ARHGAP24: variants seen among roughly 807,000 people sequenced by gnomAD.
ARHGAP24 encodes rho GTPase-activating protein 24.
ARHGAP24 carries 50 observed loss-of-function variants against 76.4 expected under a neutral mutation model. That is an observed-to-expected ratio of 0.65 (90% CI 0.52 to 0.83). The LOEUF is 0.83. Among genes scored for constraint, ARHGAP24 ranks in the 40% least tolerant of loss-of-function variants. The pLI is 0.00. For synonymous variants in ARHGAP24, 345 were observed against 323.3 expected, an observed-to-expected ratio of 1.07 and a Z score of -0.72; for missense variants, 930 against 914.2, an observed-to-expected ratio of 1.02 and a Z score of -0.22.
intron 1 of ARHGAP24, among the ~76,000 whole-genome samples, chr4:85,521,951 A>T (rs942488291): frequency 3.9e-5 from 6 of 152,188 alleles, no homozygotes; most frequent in African/African-American, 1.4e-4. Context: ...AATTATTAAG[A>T]TCTCATTCTT....
At chr4:85,661,749 T>C (rs1233489821) in intron 2 of ARHGAP24, among the ~76,000 whole-genome samples, 1 of 151,508 alleles carries the variant, frequency 6.6e-6, no homozygotes, top group Non-Finnish European at 1.5e-5. Context: ...TTCCCACCTA[T>C]GAGTGAGAGC....
intron 2 of ARHGAP24, among the ~76,000 whole-genome samples, chr4:85,572,835 G>A (rs1234720833): frequency 6.8e-6 from 1 of 147,200 alleles, no homozygotes; most frequent in East Asian, 2.0e-4. Context: ...TAATAAAGCA[G>A]TTAAAATGTA....
At chr4:85,845,723 T>C (rs1288173858) in intron 3 of ARHGAP24, among the ~76,000 whole-genome samples, 1 of 152,094 alleles carries the variant, frequency 6.6e-6, no homozygotes, top group Non-Finnish European at 1.5e-5. Flanking sequence ...GATTGGAAAC[T>C]CCCACCTATG....
chr4:85,731,084 T>C (rs1419209392), intron 3 of ARHGAP24, among the ~76,000 whole-genome samples: 3 of 151,886 alleles, frequency 2.0e-5, no homozygotes, highest in Non-Finnish European at 4.4e-5. Context: ...TATATGTGTA[T>C]GTATGCAAAA....
intron 1 of ARHGAP24, among the ~76,000 whole-genome samples, chr4:85,501,906 G>GT (rs1296197757): frequency 2.0e-5 from 3 of 152,032 alleles, no homozygotes; most frequent in Non-Finnish European, 4.4e-5. Flanking sequence ...TGTATAAGGT[G>GT]TAAGGAAGGG....
At chr4:85,980,450 T>A (rs1430099386) in intron 8 of ARHGAP24, among the ~76,000 whole-genome samples, 1 of 152,224 alleles carries the variant, frequency 6.6e-6, no homozygotes, top group Non-Finnish European at 1.5e-5. Flanking sequence ...TCATAATTAA[T>A]CATTTGCTCT....
chr4:85,692,794 A>T (rs1460710517), intron 2 of ARHGAP24, among the ~76,000 whole-genome samples: 2 of 152,062 alleles, frequency 1.3e-5, no homozygotes, highest in Non-Finnish European at 2.9e-5. Context: ...CAGATTCTAA[A>T]CTCTATGTCT....
In ARHGAP24 at chr4:85,995,445, G is replaced by A. The variant is rs144004460; in HGVS notation, c.1791G>A (p.Pro597=). The A allele has an allele frequency of 1.4e-4, 232 of 1,608,422 alleles. 1 individual carries two copies. The highest frequency in any genetic ancestry group is 4.7e-4 in the East Asian group (21 of 44,776). Residue 597 remains proline (P), a synonymous_variant, in exon 9 of 10, where the codon CCG becomes CCA. Coordinates refer to ENST00000395184, the MANE Select transcript of ARHGAP24 (RefSeq NM_001025616.3). ...AGGACCCTGTTTTGGATGGGCCCCC[G>A]CAGGACGACCTTTCCCACCCCAGGG... ...NFEDPVLDGP[P]QDDLSHPRDY...
intron 6 of ARHGAP24, among the ~76,000 whole-genome samples, chr4:85,973,200 C>T (rs1253220315): frequency 2.0e-5 from 3 of 152,174 alleles, no homozygotes; most frequent in Admixed American, 6.6e-5. Flanking sequence ...CACTTGTTAC[C>T]TGTCGTTTTT....
intron 3 of ARHGAP24, among the ~76,000 whole-genome samples, chr4:85,858,959 C>T (rs939312447): frequency 2.6e-5 from 4 of 151,986 alleles, no homozygotes; most frequent in South Asian, 4.1e-4. Flanking sequence ...AAAAAAATGC[C>T]TGAACCTCAG....
At chr4:85,838,657 T>C (rs1297442673) in intron 3 of ARHGAP24, among the ~76,000 whole-genome samples, 4 of 152,218 alleles carry the variant, frequency 2.6e-5, no homozygotes, top group Non-Finnish European at 5.9e-5. Flanking sequence ...TTTTATTGCA[T>C]AGCCAATTAT....
chr4:85,655,792 T>TATATATATATATAG (rs1553920518), intron 2 of ARHGAP24, among the ~76,000 whole-genome samples: 3 of 37,700 alleles, frequency 8.0e-5, no homozygotes, highest in African/African-American at 3.3e-4. Flanking sequence ...TATATATATA[T>TATATATATATATAG]AGAGAGAGAG....
intron 3 of ARHGAP24, among the ~76,000 whole-genome samples, chr4:85,857,469 C>A (rs2110171532): frequency 6.6e-6 from 1 of 152,296 alleles, no homozygotes; most frequent in South Asian, 2.1e-4. Flanking sequence ...TGTGGGTTAT[C>A]AATTCAAATT....
In ARHGAP24 at chr4:85,722,213, G is replaced by C. The variant is rs142829638; in HGVS notation, c.268+241G>C. The C allele has an allele frequency of 1.4e-3, 654 of 457,018 alleles. 5 individuals are homozygous for C. Among genetic ancestry groups the C allele is most frequent in the African/African-American group, 0.012 (597 of 50,304 alleles). 28.3% of individuals were successfully genotyped at this position (457,018 alleles called of 1,614,324 possible). ...CATTTGTCCATGAGACTCCATAGTT[G>C]ACCACAAGTCATGATACAGTATTTG... On this transcript the variant is annotated intron_variant, in intron 3 of 9. Coordinates refer to ENST00000395184, the MANE Select transcript of ARHGAP24 (RefSeq NM_001025616.3).
chr4:85,534,956 GAAACAA>G (rs1303097986), intron 1 of ARHGAP24, among the ~76,000 whole-genome samples: 1 of 147,938 alleles, frequency 6.8e-6, no homozygotes, highest in Non-Finnish European at 1.5e-5. Flanking sequence ...AAAGAAAACA[GAAACAA>G]AAACAAAAAC....
chr4:85,478,366 G>A (rs530539115), intron 1 of ARHGAP24, among the ~76,000 whole-genome samples: 2 of 152,320 alleles, frequency 1.3e-5, no homozygotes, highest in South Asian at 4.1e-4. Flanking sequence ...TAACCCATCT[G>A]TCTTTGCTAT....
At chr4:85,566,748 A>C (rs1726864157) in intron 1 of ARHGAP24, among the ~76,000 whole-genome samples, 4 of 152,214 alleles carry the variant, frequency 2.6e-5, no homozygotes, top group Admixed American at 2.0e-4. Flanking sequence ...ATAGACAATA[A>C]ACAACTAAAG....
In ARHGAP24 at chr4:85,675,878, A is replaced by G. The variant is rs763658837; in HGVS notation, c.181-46007A>G. 3.9e-5 allele frequency among the ~76,000 whole-genome samples: 6 copies of G among 152,138 alleles called. No homozygotes were observed. The East Asian group carries it at 1.2e-3, about 29-fold the overall frequency. ...TTAGAGCCAATGCTGTTCATATGTA[A>G]TTATGTTTGCTTTGAAATGCATATC... On this transcript the variant is annotated intron_variant, in intron 2 of 9. Coordinates refer to ENST00000395184, the MANE Select transcript of ARHGAP24 (RefSeq NM_001025616.3).
intron 3 of ARHGAP24, among the ~76,000 whole-genome samples, chr4:85,895,861 A>G (rs1734150462): frequency 6.6e-6 from 1 of 152,180 alleles, no homozygotes; most frequent in African/African-American, 2.4e-5. Flanking sequence ...CCTACCTGAT[A>G]ATATGGAAAT....
Sources: allele counts gnomAD v4.1 joint callset (sites outside exome capture counted in the v4.1 genomes callset), GRCh38; gene constraint gnomAD v4.1.1; transcripts MANE v1.5; gene names NCBI Gene and HGNC (gene_info 2026-07-23, HGNC 2026-07-21).